Variants in ASB5 observed in about 807,000 individuals in gnomAD.
The protein encoded by ASB5 is ankyrin repeat and SOCS box protein 5.
A neutral mutation model predicts 42.1 loss-of-function variants in ASB5; 45 were observed. The observed-to-expected ratio is 1.07, with a 90% CI of 0.84 to 1.37. The LOEUF is 1.37. ASB5 is among the 40% of genes most tolerant of loss of function. The pLI is 0.00. For missense variants in ASB5, 402 were observed against 399.8 expected, an observed-to-expected ratio of 1.01 and a Z score of -0.05; for synonymous variants, 147 against 150.6, an observed-to-expected ratio of 0.98 and a Z score of 0.18.
intron 1 of ASB5, among the ~76,000 whole-genome samples, chr4:176,241,194 G>T (rs1753804304): frequency 6.6e-6 from 1 of 152,016 alleles, no homozygotes; most frequent in South Asian, 2.1e-4. Flanking sequence ...ACAAACACAG[G>T]TTGATAATTT....
intron 1 of ASB5, among the ~76,000 whole-genome samples, chr4:176,234,758 T>C (rs1753642445): frequency 6.6e-6 from 1 of 152,206 alleles, no homozygotes; most frequent in Non-Finnish European, 1.5e-5. Flanking sequence ...CATATCCGAA[T>C]TGGACTCCTG....
At chr4:176,272,472 A>G (rs1334151671), upstream of ASB5, among the ~76,000 whole-genome samples, 1 of 152,164 alleles carries the variant, frequency 6.6e-6, no homozygotes, top group African/African-American at 2.4e-5. Context: ...GATGATCCTT[A>G]CAGCAGCTCC....
chr4:176,274,424 G>A (rs976415588), intron 2 of ASB5, among the ~76,000 whole-genome samples: 1 of 152,150 alleles, frequency 6.6e-6, no homozygotes. Context: ...TATGAAGCGG[G>A]TATCATTATC....
At chr4:176,216,208 C>G (rs546506556) in intron 6 of ASB5, among the ~76,000 whole-genome samples, 1 of 152,066 alleles carries the variant, frequency 6.6e-6, no homozygotes, top group South Asian at 2.1e-4. Flanking sequence ...AGGTTCATGT[C>G]CTTATAAAAT....
chr4:176,222,491 C>T, intron 2 of ASB5, 71 bp from the exon 3 acceptor site: 3 of 1,294,108 alleles, frequency 2.3e-6, no homozygotes, highest in Non-Finnish European at 3.3e-6. Context: ...ATGGATGTCA[C>T]TAGAGAGTGA....
At chr4:176,251,907 A>T (rs988891831) in intron 1 of ASB5, among the ~76,000 whole-genome samples, 3 of 151,476 alleles carry the variant, frequency 2.0e-5, no homozygotes, top group Non-Finnish European at 4.4e-5. Context: ...CTCCACAAAA[A>T]ATACAAAAAT....
chr4:176,225,839 CT>C (rs1406093775), intron 1 of ASB5, among the ~76,000 whole-genome samples: 11 of 152,286 alleles, frequency 7.2e-5, no homozygotes, highest in African/African-American at 2.6e-4. Flanking sequence ...ATCCACCTGC[CT>C]TGGTCTCCCA....
chr4:176,274,212 C>T (rs1216428492), upstream of ASB5, among the ~76,000 whole-genome samples: 2 of 152,136 alleles, frequency 1.3e-5, no homozygotes, highest in East Asian at 3.8e-4. Flanking sequence ...CATCACGGTA[C>T]CTTCATTGGA....
chr4:176,223,626 A>C (rs1273301468), intron 2 of ASB5, among the ~76,000 whole-genome samples: 1 of 152,204 alleles, frequency 6.6e-6, no homozygotes, highest in Non-Finnish European at 1.5e-5. Flanking sequence ...TATAGACATG[A>C]AGAATTTTTA....
At chr4:176,231,138 G>C (rs367730987) in intron 1 of ASB5, among the ~76,000 whole-genome samples, 1 of 151,792 alleles carries the variant, frequency 6.6e-6, no homozygotes, top group African/African-American at 2.4e-5. Flanking sequence ...ATATCTATGC[G>C]ATTTTGTAAG....
chr4:176,240,697 A>T (rs35269959), intron 1 of ASB5, among the ~76,000 whole-genome samples: 24,432 of 152,224 alleles, frequency 0.16, 2,605 homozygotes, highest in Middle Eastern at 0.28. Flanking sequence ...AAAGCTAAAA[A>T]CTTGGGGACA....
At chr4:176,254,241 G>C (rs1754104355) in intron 1 of ASB5, among the ~76,000 whole-genome samples, 1 of 152,152 alleles carries the variant, frequency 6.6e-6, no homozygotes, top group Non-Finnish European at 1.5e-5. Flanking sequence ...GAACAGAATA[G>C]AGAGTGCAGA....
chr4:176,265,463 C>T (rs949743418), intron 1 of ASB5, among the ~76,000 whole-genome samples: 39 of 152,308 alleles, frequency 2.6e-4, no homozygotes, highest in African/African-American at 9.1e-4. Flanking sequence ...GAGAACAATA[C>T]ATTTTGCCTT....
chr4:176,235,266 C>T (rs997069755), intron 1 of ASB5, among the ~76,000 whole-genome samples: 2 of 152,108 alleles, frequency 1.3e-5, no homozygotes, highest in African/African-American at 4.8e-5. Flanking sequence ...ACTATAATAC[C>T]TTATTGATTA....
chr4:176,232,708 T>A (rs1825232), intron 1 of ASB5, among the ~76,000 whole-genome samples: 1 of 152,040 alleles, frequency 6.6e-6, no homozygotes, highest in Non-Finnish European at 1.5e-5. Flanking sequence ...CCTTGAAACA[T>A]GGTTTCAAGG....
intron 1 of ASB5, among the ~76,000 whole-genome samples, chr4:176,258,968 GT>G (rs758838956): frequency 6.6e-6 from 1 of 151,762 alleles, no homozygotes; most frequent in Non-Finnish European, 1.5e-5. Flanking sequence ...TTCAGTAAAG[GT>G]TTTTTTTCTC....
At chr4:176,268,264 C>A (rs1488644991) in intron 1 of ASB5, among the ~76,000 whole-genome samples, 1 of 152,164 alleles carries the variant, frequency 6.6e-6, no homozygotes, top group African/African-American at 2.4e-5. Context: ...TTCTAAAGAA[C>A]ATGGATGCAC....
intron 1 of ASB5, among the ~76,000 whole-genome samples, chr4:176,248,018 G>A (rs1016362110): frequency 6.6e-6 from 1 of 152,210 alleles, no homozygotes; most frequent in Non-Finnish European, 1.5e-5. Flanking sequence ...CATTGCAAAG[G>A]AAGAAGTACA....
chr4:176,256,806 G>T (rs1754165725), intron 1 of ASB5, among the ~76,000 whole-genome samples: 1 of 152,104 alleles, frequency 6.6e-6, no homozygotes, highest in Non-Finnish European at 1.5e-5. Flanking sequence ...GGGCATGGTT[G>T]CTTGCACCTG....
Sources: allele counts gnomAD v4.1 joint callset (sites outside exome capture counted in the v4.1 genomes callset), GRCh38; gene constraint gnomAD v4.1.1; transcripts MANE v1.5; gene names NCBI Gene and HGNC (gene_info 2026-07-23, HGNC 2026-07-21).